The following THRB variants were observed in gnomAD, a reference collection of about 807,000 sequenced individuals.
THRB encodes thyroid hormone receptor beta.
A neutral mutation model predicts 47.8 loss-of-function variants in THRB; 12 were observed. That is an observed-to-expected ratio of 0.25 (90% CI 0.16 to 0.41). The LOEUF is 0.41. Ranked by LOEUF, THRB falls within the 10% of genes least tolerant of loss-of-function variation. The pLI is 1.00. For synonymous variants in THRB, 218 were observed against 212.2 expected (o/e 1.03, Z -0.24); for missense variants, 348 against 589.2 (o/e 0.59, Z 4.24).
At chr3:24,329,051 A>G (rs111392684) in intron 2 of THRB, among the ~76,000 whole-genome samples, 1,890 of 152,004 alleles carry the variant, frequency 0.012, 47 homozygotes, top group African/African-American at 0.041. Context: ...GGCTCAAGGT[A>G]TCCTTCCACC....
At chr3:24,194,059 G>GAAACTGAGT in intron 4 of THRB, among the ~76,000 whole-genome samples, 1 of 152,322 alleles carries the variant, frequency 6.6e-6, no homozygotes, top group South Asian at 2.1e-4. Context: ...TCACTCATGT[G>GAAACTGAGT]TGGGAGCTGG....
intron 3 of THRB, among the ~76,000 whole-genome samples, chr3:24,269,003 G>A (rs1242915081): frequency 6.6e-6 from 1 of 152,138 alleles, no homozygotes; most frequent in African/African-American, 2.4e-5. Context: ...CATGGCCCAT[G>A]TCCTCAGGGT....
rs1309461033 is a variant in THRB at position 24,345,966 on chromosome 3, T to C, written c.-260-8595A>G. Among the ~76,000 whole-genome samples, 3 of 152,068 alleles carry C rather than the reference T, an allele frequency of 2.0e-5. No homozygotes were observed. In the East Asian group the frequency reaches 5.8e-4, roughly 29 times the overall value. ...TAAAGTTTGCTTTATTTAATTAAAATTAAATAAAGTTAATAAAGCAGACCA... is the reference window on the plus strand; with the variant it reads ...TAAAGTTTGCTTTATTTAATTAAAACTAAATAAAGTTAATAAAGCAGACCA... On this transcript the variant is annotated intron_variant, in intron 1 of 10. Transcript: ENST00000646209.
intron 3 of THRB, among the ~76,000 whole-genome samples, chr3:24,247,353 T>A (rs913541578): frequency 6.6e-6 from 1 of 152,170 alleles, no homozygotes; most frequent in Non-Finnish European, 1.5e-5. Context: ...TTCTGATAAG[T>A]TCTAGGGAAC....
chr3:24,212,215 A>G (rs1313634006), intron 4 of THRB, among the ~76,000 whole-genome samples: 1 of 151,866 alleles, frequency 6.6e-6, no homozygotes, highest in Non-Finnish European at 1.5e-5. Context: ...TGGTCAACAT[A>G]ATGAAACCCC....
intron 1 of THRB, among the ~76,000 whole-genome samples, chr3:24,363,327 GC>G (rs1358177203): frequency 1.3e-5 from 2 of 152,138 alleles, no homozygotes; most frequent in Non-Finnish European, 2.9e-5. Context: ...TCTGCAGAAA[GC>G]TCATTAACTC....
intron 4 of THRB, among the ~76,000 whole-genome samples, chr3:24,201,235 G>A (rs1316745891): frequency 6.6e-6 from 1 of 151,948 alleles, no homozygotes; most frequent in Non-Finnish European, 1.5e-5. Flanking sequence ...TTAAATTAGA[G>A]TTGGCGAGGT....
intron 1 of THRB, among the ~76,000 whole-genome samples, chr3:24,447,342 A>C (rs1174847953): frequency 6.6e-6 from 1 of 152,214 alleles, no homozygotes; most frequent in Non-Finnish European, 1.5e-5. Flanking sequence ...GCCATTTAAA[A>C]AAATTAACTC....
intron 1 of THRB, among the ~76,000 whole-genome samples, chr3:24,450,083 A>AG (rs2072495119): frequency 1.3e-5 from 2 of 152,130 alleles, no homozygotes; most frequent in African/African-American, 4.8e-5. Context: ...GAAGGAAACT[A>AG]GACACTCTTA....
At chr3:24,302,008 C>G (rs2056977137) in intron 2 of THRB, among the ~76,000 whole-genome samples, 1 of 152,128 alleles carries the variant, frequency 6.6e-6, no homozygotes, top group African/African-American at 2.4e-5. Context: ...CCTTGTGAAG[C>G]CTGTATCAGA....
chr3:24,397,600 CT>C (rs11383377), intron 1 of THRB, among the ~76,000 whole-genome samples: 11 of 138,240 alleles, frequency 8.0e-5, no homozygotes, highest in African/African-American at 1.1e-4. Flanking sequence ...TTTAGCAAGT[CT>C]TTTTTTTTTT....
At chr3:24,139,229 A>T (rs1387437850) in intron 8 of THRB, among the ~76,000 whole-genome samples, 1 of 152,240 alleles carries the variant, frequency 6.6e-6, no homozygotes, top group Non-Finnish European at 1.5e-5. Context: ...GAAGCTTTAA[A>T]GAGTGGCTTT....
intron 1 of THRB, among the ~76,000 whole-genome samples, chr3:24,403,410 C>G (rs1366611514): frequency 2.0e-5 from 3 of 151,942 alleles, no homozygotes; most frequent in Admixed American, 1.3e-4. Flanking sequence ...TAACATTTCT[C>G]AAATCTAGGA....
intron 1 of THRB, among the ~76,000 whole-genome samples, chr3:24,491,497 C>G (rs182220340): frequency 2.6e-5 from 4 of 152,272 alleles, no homozygotes; most frequent in Middle Eastern, 3.4e-3. Context: ...TATGAAGCGG[C>G]AAAAGAGGGC....
At chr3:24,382,492 A>G (rs1331004198) in intron 1 of THRB, among the ~76,000 whole-genome samples, 1 of 152,166 alleles carries the variant, frequency 6.6e-6, no homozygotes, top group African/African-American at 2.4e-5. Flanking sequence ...TAGGAAACCA[A>G]GCAATCTCAA....
chr3:24,283,442 TA>T (rs1335208353), intron 3 of THRB, among the ~76,000 whole-genome samples: 1 of 151,732 alleles, frequency 6.6e-6, no homozygotes, highest in Non-Finnish European at 1.5e-5. Flanking sequence ...CTCAAAATAA[TA>T]AGAGCTATTT....
chr3:24,159,727 CTG>C (rs67972581), intron 5 of THRB, among the ~76,000 whole-genome samples: 6,509 of 145,236 alleles, frequency 0.045, 195 homozygotes, highest in Non-Finnish European at 0.067. Context: ...GCCACAACTG[CTG>C]TGTGTGTGTG....
chr3:24,444,388 G>A (rs541465570), intron 1 of THRB, among the ~76,000 whole-genome samples: 2 of 152,094 alleles, frequency 1.3e-5, no homozygotes, highest in African/African-American at 4.8e-5. Context: ...TTAGAAAACA[G>A]TATCTTAAAT....
intron 4 of THRB, among the ~76,000 whole-genome samples, chr3:24,206,431 T>C (rs2045364292): frequency 6.6e-6 from 1 of 152,128 alleles, no homozygotes; most frequent in African/African-American, 2.4e-5. Flanking sequence ...AAGGCAGTAA[T>C]AAAGATGTTC....
Sources: allele counts gnomAD v4.1 joint callset (sites outside exome capture counted in the v4.1 genomes callset), GRCh38; gene constraint gnomAD v4.1.1; transcripts MANE v1.5; gene names NCBI Gene and HGNC (gene_info 2026-07-23, HGNC 2026-07-21).